The following PIP5KL1 variants were observed in gnomAD, a reference collection of about 807,000 sequenced individuals.
The protein encoded by PIP5KL1 is phosphatidylinositol-4-phosphate 5-kinase like 1.
PIP5KL1 carries 45 observed loss-of-function variants against 47.6 expected under a neutral mutation model. The ratio of observed to expected loss-of-function variants is 0.94; its 90% CI spans 0.74 to 1.21. PIP5KL1 has a LOEUF of 1.21. Among genes scored for constraint, PIP5KL1 ranks in the 50% most tolerant of loss-of-function variants. The probability of loss-of-function intolerance (pLI) is 0.00; values close to 1 mark genes in which losing one functional copy is unlikely to be tolerated. For missense variants in PIP5KL1, 577 were observed against 547.6 expected, an observed-to-expected ratio of 1.05 and a Z score of -0.54; for synonymous variants, 256 against 234.6, an observed-to-expected ratio of 1.09 and a Z score of -0.84.
Position 127,927,817 on chromosome 9 carries a change from C to A in PIP5KL1, c.435-45G>T. ...GGTCACTGCCCAGGCCTGGCTGGAG[C>A]GGCTCCCACCCGGCCCCCTTCCCCG... On this transcript the variant is annotated intron_variant, in intron 4 of 9. Coordinates refer to ENST00000388747, the MANE Select transcript of PIP5KL1 (RefSeq NM_001135219.2). The surrounding 1 kb of genome is among the most constrained non-coding windows in gnomAD (Gnocchi z 5.5). The A allele has an allele frequency of 1.3e-6, 2 of 1,531,562 alleles. No homozygotes were observed. Among genetic ancestry groups the A allele is most frequent in the East Asian group, 2.5e-5 (1 of 40,792 alleles). The allele number at this position is 1,531,562 out of a possible 1,614,324, so 94.9% of individuals were successfully genotyped here. A position where few individuals can be genotyped will look rare whatever the true frequency, so the allele number is the denominator to read the frequency against.
chr9:127,921,899 G>T lies in PIP5KL1; in HGVS notation c.1133C>A (p.Pro378Gln), dbSNP rs762009903. Residue 378 changes from proline (P) to glutamine (Q), a missense_variant, in exon 10 of 10, where the codon CCG becomes CAG. Transcript: ENST00000388747. ...GCAGAGGCGACGGGCGTAGCGAGCC[G>T]GGCTGACAGTGGAGAAGGTCCGGCC... is the stretch of plus-strand genomic sequence containing the variant. ...YPGRTFSTVS[P>Q]ARYARRLCQW... is the part of the protein sequence containing the mutation. The T allele has an allele frequency of 6.3e-7, 1 of 1,575,972 alleles. No individual in the cohort carries two copies.
At chr9:127,926,128 C>T in intron 7 of PIP5KL1, 149 bp from the exon 8 acceptor site, 3 of 455,170 alleles carry the variant, frequency 6.6e-6, no homozygotes, top group East Asian at 7.1e-5. Flanking sequence ...TTTTCTCTTT[C>T]TTTCTTTCTT....
At chr9:127,922,715 A>G (rs1176338976) in intron 9 of PIP5KL1, among the ~76,000 whole-genome samples, 1 of 148,980 alleles carries the variant, frequency 6.7e-6, no homozygotes, top group African/African-American at 2.4e-5. Context: ...AAAAAAAGAA[A>G]AAAGAAAAAG....
In PIP5KL1 at chr9:127,927,935, C is replaced by T. The variant is rs1588685378; in HGVS notation, c.434+130G>A. On this transcript the variant is annotated intron_variant, in intron 4 of 9. Coordinates refer to ENST00000388747, the MANE Select transcript of PIP5KL1 (RefSeq NM_001135219.2). The surrounding 1 kb of genome is among the most constrained non-coding windows in gnomAD (Gnocchi z 5.5). Reference sequence around the variant, plus strand: ...TCTCCTCCCCGATCTGTCCACCATCCGGCCCTGACCCTCCCAGATTAGGGC... The same window carrying T: ...TCTCCTCCCCGATCTGTCCACCATCTGGCCCTGACCCTCCCAGATTAGGGC... 1.4e-6 allele frequency: 2 copies of T among 1,446,318 alleles called. No individual in the cohort carries two copies. The highest frequency in any genetic ancestry group is 1.8e-6 in the Non-Finnish European group (2 of 1,089,130). The allele number at this position is 1,446,318 out of a possible 1,614,324, so 89.6% of individuals were successfully genotyped here. A position where few individuals can be genotyped will look rare whatever the true frequency, so the allele number is the denominator to read the frequency against.
At position 127,927,515 on chromosome 9, in the gene PIP5KL1, C is replaced by A; in HGVS notation, c.559+133G>T. ...ACACAGCCCCAGTGGTGCCCCGCCC[C>A]CACGTATGGCCCCACCCCCATGCCC... is the stretch of plus-strand genomic sequence containing the variant. On this transcript the variant is annotated intron_variant, in intron 5 of 9. Coordinates refer to ENST00000388747, the MANE Select transcript of PIP5KL1 (RefSeq NM_001135219.2). This position sits in a 1 kb window ranked among gnomAD's most constrained non-coding sequence, Gnocchi z 5.5. 6.9e-7 allele frequency: 1 copy of A among 1,440,170 alleles called. No homozygotes were observed. The highest frequency in any genetic ancestry group is 9.1e-7 in the Non-Finnish European group (1 of 1,098,912). The allele number at this position is 1,440,170 out of a possible 1,614,324, so 89.2% of individuals were successfully genotyped here.
At chr9:127,926,521 T>C (rs1165014668) in intron 7 of PIP5KL1, among the ~76,000 whole-genome samples, 3 of 152,238 alleles carry the variant, frequency 2.0e-5, no homozygotes, top group African/African-American at 7.2e-5. Context: ...CCTCCAAAAG[T>C]GCTGTGATTA....
chr9:127,923,383 G>C (rs1020389922), intron 9 of PIP5KL1, among the ~76,000 whole-genome samples: 1 of 150,978 alleles, frequency 6.6e-6, no homozygotes, highest in African/African-American at 2.4e-5. Context: ...GGCGTTCTCA[G>C]TAGGGGCTGG....
chr9:127,924,259 G>A (rs1203372537), intron 9 of PIP5KL1, among the ~76,000 whole-genome samples: 2 of 152,140 alleles, frequency 1.3e-5, no homozygotes, highest in South Asian at 2.1e-4. Flanking sequence ...GGAGGCCGAG[G>A]CGGGTGGATC....
In PIP5KL1 at chr9:127,927,698, T is replaced by C. The variant is rs1415624819; in HGVS notation, c.509A>G (p.Tyr170Cys). ...CGGGTGCCGCTGCAGGTGCTGCACG[T>C]AGCGGGGCAGGTGGGCGAGCAGAGC... ...VQALLAHLPR[Y>C]VQHLQRHPHS... The change falls in exon 5 of 10, where the codon TAC (tyrosine) becomes TGC (cysteine). Residue 170 changes from tyrosine (Y) to cysteine (C), a missense_variant. By Grantham distance (194) the Tyr-to-Cys change is radical. Coordinates refer to ENST00000388747, the MANE Select transcript of PIP5KL1 (RefSeq NM_001135219.2). The surrounding 1 kb of genome is among the most constrained non-coding windows in gnomAD (Gnocchi z 5.5). 5 of 1,547,720 alleles carry C rather than the reference T, an allele frequency of 3.2e-6. No individual in the cohort carries two copies. Among genetic ancestry groups the C allele is most frequent in the Non-Finnish European group, 3.5e-6 (4 of 1,147,222 alleles).
At position 127,927,522 on chromosome 9, in the gene PIP5KL1, T is replaced by C. The variant is rs1402289999; in HGVS notation, c.559+126A>G. The C allele has an allele frequency of 1.6e-6, 2 of 1,220,168 alleles. No individual in the cohort carries two copies. Among genetic ancestry groups the C allele is most frequent in the Admixed American group, 3.7e-5 (1 of 27,338 alleles). The allele number at this position is 1,220,168 out of a possible 1,614,324, so 75.6% of individuals were successfully genotyped here. A position where few individuals can be genotyped will look rare whatever the true frequency, so the allele number is the denominator to read the frequency against. On this transcript the variant is annotated intron_variant, in intron 5 of 9. Transcript: ENST00000388747. This position sits in a 1 kb window ranked among gnomAD's most constrained non-coding sequence, Gnocchi z 5.5. Reference sequence around the variant, plus strand: ...CCCAGTGGTGCCCCGCCCCCACGTATGGCCCCACCCCCATGCCCTACAACC... The same window carrying C: ...CCCAGTGGTGCCCCGCCCCCACGTACGGCCCCACCCCCATGCCCTACAACC...
chr9:127,927,378 C>T lies in PIP5KL1; in HGVS notation c.560-47G>A. 6.4e-7 allele frequency: 1 copy of T among 1,572,180 alleles called. No homozygotes were observed. The highest frequency in any genetic ancestry group is 8.6e-7 in the Non-Finnish European group (1 of 1,163,274). On this transcript the variant is annotated intron_variant, in intron 5 of 9. Coordinates refer to ENST00000388747, the MANE Select transcript of PIP5KL1 (RefSeq NM_001135219.2). The surrounding 1 kb of genome is among the most constrained non-coding windows in gnomAD (Gnocchi z 5.5). The stretch of plus-strand genomic sequence containing the variant: ...GATGAGGATCCCCAAACTCCACAAC[C>T]CGGGGTGCATCCGGCGCCAATCCCA...
intron 9 of PIP5KL1, 69 bp from the exon 10 acceptor site, chr9:127,922,183 C>T (rs1056576252): frequency 3.9e-5 from 56 of 1,435,214 alleles, no homozygotes; most frequent in Non-Finnish European, 4.8e-5. Context: ...CTCTGCAAGC[C>T]TGGCCAGGCT....
chr9:127,922,208 C>T lies in PIP5KL1; in HGVS notation c.918-94G>A. The stretch of plus-strand genomic sequence containing the variant: ...CTGGCCAGGCTGCCCACCCCTCCAC[C>T]AGCTCATTCCCACACCTCCTGTGTG... On this transcript the variant is annotated intron_variant, in intron 9 of 9. Transcript: ENST00000388747. 3 of 1,387,464 alleles carry T rather than the reference C, an allele frequency of 2.2e-6. No individual in the cohort carries two copies. The South Asian group carries it at 4.5e-5, about 21-fold the overall frequency. 85.9% of individuals were successfully genotyped at this position (1,387,464 alleles called of 1,614,324 possible). A position where few individuals can be genotyped will look rare whatever the true frequency, so the allele number is the denominator to read the frequency against.
rs1831274336 is a variant in PIP5KL1, at chr9:127,921,073, C to A, written c.*774G>T. On this transcript the variant is annotated 3_prime_UTR_variant, in exon 10 of 10. Transcript: ENST00000388747. ...GATTGAACTGGGGTCAGAGGCCAGG[C>A]TGGAGTTTCCTGGAGGAAGGAGAAG... 1 of 152,364 alleles carries A rather than the reference C, an allele frequency of 6.6e-6. No individual in the cohort carries two copies. Among genetic ancestry groups the A allele is most frequent in the Non-Finnish European group, 1.5e-5 (1 of 68,150 alleles). The allele number at this position is 152,364 out of a possible 1,614,324, so 9.4% of individuals were successfully genotyped here.
chr9:127,925,767 T>C, intron 8 of PIP5KL1, 100 bp downstream of exon 8: 1 of 1,061,658 alleles, frequency 9.4e-7, no homozygotes. Flanking sequence ...CCCGGCCGAA[T>C]CTGGGCTCTT....
intron 1 of PIP5KL1, 54 bp downstream of exon 1, chr9:127,930,669 G>A (rs2131642906): frequency 3.4e-6 from 5 of 1,487,722 alleles, no homozygotes; most frequent in Non-Finnish European, 4.5e-6. Context: ...GGGGAGGCCC[G>A]GCCCCTGCCC....
Position 127,927,580 on chromosome 9 carries a change from C to T in PIP5KL1, c.559+68G>A, listed in dbSNP as rs969245990. ...CGCCCATTTGGGCCCCGCCCACATA[C>T]CCCGCCCTCCCCAGGTATATGATGA... On this transcript the variant is annotated intron_variant, in intron 5 of 9. Coordinates refer to ENST00000388747, the MANE Select transcript of PIP5KL1 (RefSeq NM_001135219.2). The surrounding 1 kb of genome is among the most constrained non-coding windows in gnomAD (Gnocchi z 5.5). 1 of 600,876 alleles carries T rather than the reference C, an allele frequency of 1.7e-6. No individual in the cohort carries two copies. Among genetic ancestry groups the T allele is most frequent in the African/African-American group, 2.2e-5 (1 of 46,182 alleles). The allele number at this position is 600,876 out of a possible 1,614,324, so 37.2% of individuals were successfully genotyped here. A position where few individuals can be genotyped will look rare whatever the true frequency, so the allele number is the denominator to read the frequency against.
chr9:127,930,714 C>G lies in PIP5KL1; in HGVS notation c.30+9G>C. 1.9e-6 allele frequency: 3 copies of G among 1,571,658 alleles called. No individual in the cohort carries two copies. Among genetic ancestry groups the G allele is most frequent in the Non-Finnish European group, 2.6e-6 (3 of 1,162,312 alleles). Reference sequence around the variant, plus strand: ...TCCCTCTCCTGTCCTCTCTCGGGTCCGCACCTACCTCGCGGGGCCCCGGGC... The same window carrying G: ...TCCCTCTCCTGTCCTCTCTCGGGTCGGCACCTACCTCGCGGGGCCCCGGGC... On this transcript the variant is annotated intron_variant, in intron 1 of 9. Transcript: ENST00000388747.
rs199678461 is a variant in PIP5KL1 at position 127,925,950 on chromosome 9, C to T, written c.680G>A (p.Arg227His). 162 of 1,613,662 alleles carry T rather than the reference C, an allele frequency of 1.0e-4. 1 individual carries two copies. The highest frequency in any genetic ancestry group is 2.2e-4 in the East Asian group (10 of 44,876). ...RYDIKGCEVS[R>H]WVDPAPEGSP... ...GCCCTCAGGGGCGGGATCCACCCAG[C>T]GGCTCACCTCGCAGCCTTTGATGTC... The change falls in exon 8 of 10, where the codon CGC becomes CAC. Residue 227 changes from arginine to histidine, a missense_variant. Arg to His is a conservative substitution (Grantham distance 29). Coordinates refer to ENST00000388747, the MANE Select transcript of PIP5KL1 (RefSeq NM_001135219.2).
Sources: allele counts gnomAD v4.1 joint callset (sites outside exome capture counted in the v4.1 genomes callset), GRCh38; gene constraint gnomAD v4.1.1; non-coding constraint Gnocchi (gnomAD v3.1); transcripts MANE v1.5; gene names NCBI Gene and HGNC (gene_info 2026-07-23, HGNC 2026-07-21).